The following CSMD1 variants were observed in gnomAD, a reference collection of about 807,000 sequenced individuals.
The protein encoded by CSMD1 is CUB and sushi domain-containing protein 1.
A neutral mutation model predicts 417.5 loss-of-function variants in CSMD1; 213 were observed. The observed-to-expected ratio is 0.51, with a 90% confidence interval of 0.46 to 0.57. The LOEUF (loss-of-function observed/expected upper bound fraction) is 0.57. Among genes scored for constraint, CSMD1 ranks in the 20% least tolerant of loss-of-function variants. CSMD1 has a pLI of 0.00. For synonymous variants in CSMD1, 2,862 were observed against 1,736.8 expected, an observed-to-expected ratio of 1.65 and a Z score of -16.11; for missense variants, 6,923 against 4,529.7, an observed-to-expected ratio of 1.53 and a Z score of -15.17.
chr8:4,524,600 G>C (rs1796418319), intron 2 of CSMD1, among the ~76,000 whole-genome samples: 1 of 146,942 alleles, frequency 6.8e-6, no homozygotes, highest in African/African-American at 2.5e-5. Context: ...TTTGGTTTGG[G>C]TTTTTCAGTG....
chr8:4,054,654 C>T lies in CSMD1; in HGVS notation c.416-22555G>A, dbSNP rs906423744. 1.1e-4 allele frequency among the ~76,000 whole-genome samples: 17 copies of T among 152,220 alleles called. No individual in the cohort carries two copies. In the South Asian group the frequency reaches 2.9e-3, roughly 26 times the overall value. ...AAAACACATAGGTAATGAACAGGTC[C>T]TTGCACAGTGTCTCATAGGACATTA... On this transcript the variant is annotated intron_variant, in intron 3 of 69. Transcript: ENST00000635120.
chr8:4,516,369 G>T (rs1471378726), intron 2 of CSMD1, among the ~76,000 whole-genome samples: 1 of 152,122 alleles, frequency 6.6e-6, no homozygotes, highest in Non-Finnish European at 1.5e-5. Flanking sequence ...CCAGTTTGTG[G>T]TACTTTATCA....
chr8:4,288,056 G>A (rs555774526), intron 3 of CSMD1, among the ~76,000 whole-genome samples: 2 of 152,154 alleles, frequency 1.3e-5, no homozygotes, highest in South Asian at 2.1e-4. Context: ...CTAAAACAAG[G>A]AGGATATAAA....
chr8:4,846,676 T>A (rs1801165953), intron 1 of CSMD1, among the ~76,000 whole-genome samples: 1 of 152,240 alleles, frequency 6.6e-6, no homozygotes, highest in Admixed American at 6.5e-5. Flanking sequence ...ACTAACACTT[T>A]AAATTTCTCC....
At chr8:3,082,463 CG>C (rs1563319116) in intron 49 of CSMD1, among the ~76,000 whole-genome samples, 1 of 152,156 alleles carries the variant, frequency 6.6e-6, no homozygotes, top group Non-Finnish European at 1.5e-5. Flanking sequence ...CTACTCCCGC[CG>C]GATGACTATC....
chr8:3,377,326 T>A (rs771059366), intron 18 of CSMD1, among the ~76,000 whole-genome samples: 8 of 152,212 alleles, frequency 5.3e-5, no homozygotes, highest in Non-Finnish European at 1.0e-4. Context: ...AATAGATTTT[T>A]ACCACAAATT....
chr8:4,030,605 G>A (rs932169468), intron 4 of CSMD1, among the ~76,000 whole-genome samples: 3 of 152,154 alleles, frequency 2.0e-5, no homozygotes, highest in Admixed American at 1.3e-4. Flanking sequence ...GTGATGGGAG[G>A]GGTTGCTGTG....
chr8:3,853,360 A>T (rs1158677327), intron 5 of CSMD1, among the ~76,000 whole-genome samples: 1 of 152,182 alleles, frequency 6.6e-6, no homozygotes, highest in African/African-American at 2.4e-5. Flanking sequence ...TTACTTTAAA[A>T]AGGTATTGTT....
chr8:4,546,621 C>A (rs928138757), intron 2 of CSMD1, among the ~76,000 whole-genome samples: 1 of 152,164 alleles, frequency 6.6e-6, no homozygotes, highest in Non-Finnish European at 1.5e-5. Flanking sequence ...ACTCTTCTTG[C>A]TCTCAGGACT....
intron 12 of CSMD1, among the ~76,000 whole-genome samples, chr8:3,419,747 C>G (rs768859733): frequency 1.2e-4 from 19 of 152,194 alleles, no homozygotes; most frequent in Non-Finnish European, 2.1e-4. Context: ...AGAAAAAAAT[C>G]TGCATATCTA....
At chr8:4,059,226 G>A (rs1433130508) in intron 3 of CSMD1, among the ~76,000 whole-genome samples, 1 of 152,124 alleles carries the variant, frequency 6.6e-6, no homozygotes, top group East Asian at 1.9e-4. Flanking sequence ...CAGAAATAAA[G>A]ATGTTCTTTG....
chr8:4,286,843 A>G (rs1030604398), intron 3 of CSMD1, among the ~76,000 whole-genome samples: 7 of 152,190 alleles, frequency 4.6e-5, no homozygotes, highest in African/African-American at 1.7e-4. Flanking sequence ...GCTGTTTGTT[A>G]TTAGGAGATG....
intron 10 of CSMD1, among the ~76,000 whole-genome samples, chr8:3,536,201 A>C (rs1485287070): frequency 6.6e-6 from 1 of 152,222 alleles, no homozygotes; most frequent in African/African-American, 2.4e-5. Context: ...AGAGCACTGT[A>C]GGTTTGCTTT....
At chr8:4,965,212 T>C (rs1027465091) in intron 1 of CSMD1, among the ~76,000 whole-genome samples, 4 of 152,208 alleles carry the variant, frequency 2.6e-5, no homozygotes, top group African/African-American at 9.6e-5. Flanking sequence ...GCCTCTGATA[T>C]AAGGATTTTA....
At chr8:4,405,222 G>A (rs1804925886) in intron 3 of CSMD1, among the ~76,000 whole-genome samples, 1 of 152,172 alleles carries the variant, frequency 6.6e-6, no homozygotes, top group African/African-American at 2.4e-5. Context: ...CTAACCCGTG[G>A]TTTTGCATCA....
chr8:4,656,794 C>T (rs1033603394), intron 1 of CSMD1, among the ~76,000 whole-genome samples: 6 of 151,958 alleles, frequency 3.9e-5, no homozygotes, highest in African/African-American at 7.3e-5. Context: ...GACCGTCCTG[C>T]GGGGATTCTC....
At chr8:4,584,932 C>G (rs943517940) in intron 2 of CSMD1, among the ~76,000 whole-genome samples, 1 of 152,078 alleles carries the variant, frequency 6.6e-6, no homozygotes, top group Non-Finnish European at 1.5e-5. Context: ...TTAAGGAGAT[C>G]AGCCCCAGTC....
intron 46 of CSMD1, among the ~76,000 whole-genome samples, chr8:3,100,079 C>T (rs1815621000): frequency 6.6e-6 from 1 of 151,986 alleles, no homozygotes; most frequent in Non-Finnish European, 1.5e-5. Flanking sequence ...TAGGGTCTCA[C>T]TCTGTCACCC....
At chr8:3,500,744 G>C (rs780742655) in intron 10 of CSMD1, among the ~76,000 whole-genome samples, 2 of 152,128 alleles carry the variant, frequency 1.3e-5, no homozygotes, top group Admixed American at 1.3e-4. Flanking sequence ...TGACTGGATG[G>C]AGGACATGGA....
Sources: allele counts gnomAD v4.1 joint callset (sites outside exome capture counted in the v4.1 genomes callset), GRCh38; gene constraint gnomAD v4.1.1; transcripts MANE v1.5; gene names NCBI Gene and HGNC (gene_info 2026-07-23, HGNC 2026-07-21).